The following LCOR variants were observed in gnomAD, a reference collection of about 807,000 sequenced individuals.
LCOR encodes the protein ligand dependent nuclear receptor corepressor, also known as ligand-dependent corepressor.
LCOR carries 14 observed loss-of-function variants against 64.4 expected under a neutral mutation model. The observed-to-expected ratio is 0.22, with a 90% confidence interval of 0.14 to 0.34. LCOR has a LOEUF of 0.34. Among genes scored for constraint, LCOR ranks in the 10% least tolerant of loss-of-function variants. LCOR has a pLI of 1.00. For synonymous variants in LCOR, 643 were observed against 642.5 expected (o/e 1.00, Z -0.01); for missense variants, 1,686 against 1,765.3 (o/e 0.96, Z 0.80).
At chr10:96,955,107 C>G (rs753217283) in intron 7 of LCOR, 1 of 1,614,198 alleles carries the variant, frequency 6.2e-7, no homozygotes, top group Non-Finnish European at 8.5e-7. Flanking sequence ...TAGTGAAGAA[C>G]TACTGAGCAG....
At chr10:96,970,351 C>CCT (rs1317946912) in intron 7 of LCOR, among the ~76,000 whole-genome samples, 1 of 151,894 alleles carries the variant, frequency 6.6e-6, no homozygotes, top group Non-Finnish European at 1.5e-5. Context: ...TGAGCGAGAT[C>CCT]ACACCACTTC....
intron 7 of LCOR, 101 bp from the exon 8 acceptor site, chr10:96,980,692 A>C: frequency 1.7e-6 from 1 of 593,720 alleles, no homozygotes; most frequent in Non-Finnish European, 3.0e-6. Context: ...ACAAAAAATA[A>C]ATAAATAATA....
At chr10:96,957,902 A>G in intron 7 of LCOR, 1 of 986,248 alleles carries the variant, frequency 1.0e-6, no homozygotes, top group South Asian at 4.7e-5. Context: ...TTAACAGAAA[A>G]AACAGTTTGG....
Sources: allele counts gnomAD v4.1 joint callset (sites outside exome capture counted in the v4.1 genomes callset), GRCh38; gene constraint gnomAD v4.1.1; transcripts MANE v1.5; gene names NCBI Gene and HGNC (gene_info 2026-07-23, HGNC 2026-07-21).